PBLD: variants seen among roughly 807,000 people sequenced by gnomAD.
The protein encoded by PBLD is phenazine biosynthesis-like domain-containing protein.
In PBLD, 26 loss-of-function variants were observed where a neutral mutation model predicts 31.3. The ratio of observed to expected loss-of-function variants is 0.83; its 90% CI spans 0.61 to 1.15. The LOEUF (loss-of-function observed/expected upper bound fraction) is 1.15, where lower values mean the gene tolerates loss of function less well. Among genes scored for constraint, PBLD ranks in the 50% most tolerant of loss-of-function variants. The pLI, the probability that PBLD is intolerant of heterozygous loss-of-function variation, is 0.00. For missense variants in PBLD, 307 were observed against 351.7 expected, an observed-to-expected ratio of 0.87 and a Z score of 1.02; for synonymous variants, 114 against 129.0, an observed-to-expected ratio of 0.88 and a Z score of 0.79.
chr10:68,329,944 T>A (rs2134566389), intron 1 of PBLD, among the ~76,000 whole-genome samples: 1 of 152,244 alleles, frequency 6.6e-6, no homozygotes, highest in East Asian at 1.9e-4. Context: ...CTATTTTCAC[T>A]TCTCTAGGAC....
intron 8 of PBLD, 73 bp downstream of exon 8, chr10:68,288,410 G>A: frequency 6.6e-7 from 1 of 1,516,884 alleles, no homozygotes; most frequent in African/African-American, 1.4e-5. Flanking sequence ...GTCACAGGAA[G>A]TGCACTTAAA....
intron 1 of PBLD, among the ~76,000 whole-genome samples, chr10:68,325,717 C>T (rs1422216327): frequency 6.6e-6 from 1 of 152,216 alleles, no homozygotes; most frequent in Admixed American, 6.5e-5. Context: ...TCCACTTCTG[C>T]CGTTATTTTG....
intron 1 of PBLD, chr10:68,332,228 A>G (rs1453347737): frequency 6.6e-6 from 1 of 152,292 alleles, no homozygotes; most frequent in Non-Finnish European, 1.5e-5. Context: ...TATCTGAAGT[A>G]AAAGGGGGTA....
intron 2 of PBLD, among the ~76,000 whole-genome samples, chr10:68,304,464 C>T (rs899388027): frequency 6.6e-6 from 1 of 152,044 alleles, no homozygotes; most frequent in African/African-American, 2.4e-5. Flanking sequence ...CATACTAAAG[C>T]GTGTTGTTTT....
At chr10:68,288,701 A>G (rs756752496) in intron 7 of PBLD, 40 bp from the exon 8 acceptor site, 3 of 1,593,970 alleles carry the variant, frequency 1.9e-6, no homozygotes, top group South Asian at 2.3e-5. Context: ...AACCCATTTC[A>G]CAGCCCACTC....
rs199538834 is a variant in PBLD at position 68,293,975 on chromosome 10, C to CA, written c.284-1738dup. Among the ~76,000 whole-genome samples the CA allele has an allele frequency of 6.7e-3, 1,022 of 151,692 alleles. 16 individuals carry two copies. Among genetic ancestry groups the CA allele is most frequent in the African/African-American group, 0.023 (947 of 41,350 alleles). Reference sequence around the variant, plus strand: ...GGGTGACAAGAGCAAAACTCCATCTCAAAAAAACAAAAACAAAAAAACAAA... The same window carrying CA: ...GGGTGACAAGAGCAAAACTCCATCTCAAAAAAAACAAAAACAAAAAAACAAA... On this transcript the variant is annotated intron_variant, in intron 4 of 9. Transcript: ENST00000358769.
chr10:68,329,467 A>T (rs2044977340), intron 1 of PBLD, among the ~76,000 whole-genome samples: 1 of 152,264 alleles, frequency 6.6e-6, no homozygotes, highest in Non-Finnish European at 1.5e-5. Flanking sequence ...GCAAGGAGTG[A>T]AGGAGATTAC....
Position 68,296,111 on chromosome 10 carries a change from C to T in PBLD, c.283+155G>A, listed in dbSNP as rs934785979. 65 of 521,116 alleles carry T rather than the reference C, an allele frequency of 1.2e-4. 2 individuals are homozygous for T. The South Asian group carries it at 1.4e-3, about 12-fold the overall frequency. The allele number at this position is 521,116 out of a possible 1,614,324, so 32.3% of individuals were successfully genotyped here. On this transcript the variant is annotated intron_variant, in intron 4 of 9. Coordinates refer to ENST00000358769, the MANE Select transcript of PBLD (RefSeq NM_022129.4). Reference sequence around the variant, plus strand: ...GAAAGGCCAAAGTGCTATTGAAGGTCGCTGGTTTTGTTTCTGCATTATGAA... The same window carrying T: ...GAAAGGCCAAAGTGCTATTGAAGGTTGCTGGTTTTGTTTCTGCATTATGAA...
chr10:68,313,529 A>G (rs1485664810), intron 1 of PBLD, among the ~76,000 whole-genome samples: 3 of 152,220 alleles, frequency 2.0e-5, no homozygotes, highest in South Asian at 2.1e-4. Flanking sequence ...TAAAATGTTC[A>G]TAGGCTAGTT....
Position 68,285,420 on chromosome 10 carries a change from A to T in PBLD, c.692-10T>A, listed in dbSNP as rs372441253. The T allele has an allele frequency of 1.3e-6, 2 of 1,591,248 alleles. No individual in the cohort carries two copies. The highest frequency in any genetic ancestry group is 1.4e-5 in the African/African-American group (1 of 73,634). Reference sequence around the variant, plus strand: ...ACAGCGTGTGCAGACCCTCAAAAGAAGTGAAAAGTTAGGAGACAATCCCCA... The same window carrying T: ...ACAGCGTGTGCAGACCCTCAAAAGATGTGAAAAGTTAGGAGACAATCCCCA... On this transcript the variant is annotated splice_polypyrimidine_tract_variant and intron_variant, in intron 8 of 9. Coordinates refer to ENST00000358769, the MANE Select transcript of PBLD (RefSeq NM_022129.4).
At chr10:68,319,273 A>T (rs979006434) in intron 1 of PBLD, among the ~76,000 whole-genome samples, 1 of 152,206 alleles carries the variant, frequency 6.6e-6, no homozygotes, top group African/African-American at 2.4e-5. Context: ...AAGACATGAG[A>T]CATGTAGAAA....
intron 1 of PBLD, among the ~76,000 whole-genome samples, chr10:68,307,286 T>G (rs927131951): frequency 6.6e-6 from 1 of 152,122 alleles, no homozygotes; most frequent in Non-Finnish European, 1.5e-5. Context: ...CTCCTCAGCC[T>G]CAAAAAGTGC....
intron 7 of PBLD, 58 bp downstream of exon 7, chr10:68,288,873 A>G: frequency 6.8e-7 from 1 of 1,477,790 alleles, no homozygotes; most frequent in Non-Finnish European, 9.5e-7. Flanking sequence ...ACTAAGGAAG[A>G]GCTATAAATC....
chr10:68,323,790 T>C (rs2134543118), intron 1 of PBLD, among the ~76,000 whole-genome samples: 1 of 152,370 alleles, frequency 6.6e-6, no homozygotes, highest in Middle Eastern at 3.4e-3. Flanking sequence ...ATTTGTTTGA[T>C]AGTTATATTC....
intron 1 of PBLD, chr10:68,331,330 G>C (rs1305840457): frequency 6.6e-6 from 1 of 152,278 alleles, no homozygotes; most frequent in Non-Finnish European, 1.5e-5. Context: ...CAGTCTCCGA[G>C]GCACTGACGG....
At chr10:68,325,620 C>T (rs2044907630) in intron 1 of PBLD, among the ~76,000 whole-genome samples, 1 of 152,166 alleles carries the variant, frequency 6.6e-6, no homozygotes, top group African/African-American at 2.4e-5. Context: ...TCTTAAAAGC[C>T]AAGCTCCATA....
rs1278682639 is a variant in PBLD at position 68,283,175 on chromosome 10, C to A, written c.*1002G>T. The A allele has an allele frequency of 6.6e-6, 1 of 151,928 alleles. No homozygotes were observed. The highest frequency in any genetic ancestry group is 1.5e-5 in the Non-Finnish European group (1 of 67,996). The allele number at this position is 151,928 out of a possible 1,614,324, so 9.4% of individuals were successfully genotyped here. A position where few individuals can be genotyped will look rare whatever the true frequency, so the allele number is the denominator to read the frequency against. ...CTGGGATTACAGGCATGAGCCGCCA[C>A]GCCCAGCTGAGATTACATTACTTTG... is the stretch of plus-strand genomic sequence containing the variant. On this transcript the variant is annotated 3_prime_UTR_variant, in exon 10 of 10. Transcript: ENST00000358769.
At chr10:68,313,346 C>T (rs915953760) in intron 1 of PBLD, among the ~76,000 whole-genome samples, 17 of 152,088 alleles carry the variant, frequency 1.1e-4, no homozygotes, top group African/African-American at 3.9e-4. Context: ...GTTATGTAAT[C>T]CCATTTGTCT....
intron 1 of PBLD, among the ~76,000 whole-genome samples, chr10:68,315,670 G>A (rs2044728069): frequency 6.6e-6 from 1 of 152,002 alleles, no homozygotes. Flanking sequence ...TATATCCTAG[G>A]ACTGTGTGCA....
Sources: allele counts gnomAD v4.1 joint callset (sites outside exome capture counted in the v4.1 genomes callset), GRCh38; gene constraint gnomAD v4.1.1; transcripts MANE v1.5; gene names NCBI Gene and HGNC (gene_info 2026-07-23, HGNC 2026-07-21).